The following LRRTM4 variants were observed in gnomAD, a reference collection of about 807,000 sequenced individuals.
LRRTM4 encodes the protein leucine-rich repeat transmembrane neuronal protein 4.
A neutral mutation model predicts 47.6 loss-of-function variants in LRRTM4; 25 were observed. That is an observed-to-expected ratio of 0.53 (90% CI 0.38 to 0.73). LRRTM4 has a LOEUF of 0.73. Ranked by LOEUF, LRRTM4 falls within the 30% of genes least tolerant of loss-of-function variation. The pLI, the probability that LRRTM4 is intolerant of heterozygous loss-of-function variation, is 0.00. For synonymous variants in LRRTM4, 311 were observed against 269.5 expected (o/e 1.15, Z -1.51); for missense variants, 638 against 713.4 (o/e 0.89, Z 1.20).
chr2:76,966,385 G>A (rs1444410758), intron 3 of LRRTM4, among the ~76,000 whole-genome samples: 5 of 151,330 alleles, frequency 3.3e-5, no homozygotes, highest in Non-Finnish European at 5.9e-5. Flanking sequence ...GTAATTACAT[G>A]TATTTTTTGG....
chr2:77,169,843 T>C (rs1203557453), intron 3 of LRRTM4, among the ~76,000 whole-genome samples: 2 of 152,154 alleles, frequency 1.3e-5, no homozygotes, highest in African/African-American at 4.8e-5. Flanking sequence ...CCCATACTTT[T>C]TATGTTTCTT....
chr2:77,300,178 G>A (rs774071145), intron 3 of LRRTM4, among the ~76,000 whole-genome samples: 8 of 152,058 alleles, frequency 5.3e-5, no homozygotes, highest in Admixed American at 2.6e-4. Flanking sequence ...TTTATTTCAA[G>A]CCAACAGTTC....
In LRRTM4 at chr2:76,769,884, T is replaced by A. The variant is rs893882775; in HGVS notation, c.1552-20968A>T. Among the ~76,000 whole-genome samples, 5 of 152,180 alleles carry A rather than the reference T, an allele frequency of 3.3e-5. No homozygotes were observed. In the East Asian group the frequency reaches 7.7e-4, roughly 23 times the overall value. ...GTGCATTATAACAAAAAATAATACC[T>A]TTTTTTCAGAATGCTGAGAAGTCAC... On this transcript the variant is annotated intron_variant, in intron 3 of 3. Transcript: ENST00000409884.
intron 3 of LRRTM4, among the ~76,000 whole-genome samples, chr2:77,328,260 G>C (rs1041253552): frequency 6.6e-6 from 1 of 151,998 alleles, no homozygotes; most frequent in East Asian, 1.9e-4. Flanking sequence ...TTGCTATTAG[G>C]TCTAACTGAA....
intron 3 of LRRTM4, among the ~76,000 whole-genome samples, chr2:77,203,300 A>C (rs1257677759): frequency 6.6e-6 from 1 of 152,136 alleles, no homozygotes; most frequent in Admixed American, 6.6e-5. Context: ...ACAAGCGTCC[A>C]AACAAACCCT....
intron 3 of LRRTM4, among the ~76,000 whole-genome samples, chr2:77,201,266 A>G (rs1248934122): frequency 6.6e-6 from 1 of 152,168 alleles, no homozygotes. Flanking sequence ...TGCAAAGTAT[A>G]TTTTATAATT....
intron 3 of LRRTM4, among the ~76,000 whole-genome samples, chr2:76,998,766 T>A (rs1677299322): frequency 6.9e-6 from 1 of 144,314 alleles, no homozygotes; most frequent in African/African-American, 2.6e-5. Flanking sequence ...CTCTATATTT[T>A]CTGTTTTTTT....
At chr2:77,147,600 A>AT (rs1248993372) in intron 3 of LRRTM4, among the ~76,000 whole-genome samples, 1 of 152,060 alleles carries the variant, frequency 6.6e-6, no homozygotes, top group Non-Finnish European at 1.5e-5. Context: ...GCTCTTTGTT[A>AT]TTTTTTTCCA....
intron 3 of LRRTM4, among the ~76,000 whole-genome samples, chr2:76,947,878 A>G (rs527915797): frequency 2.0e-5 from 3 of 151,988 alleles, no homozygotes; most frequent in Admixed American, 6.6e-5. Flanking sequence ...CAAGCAAAAG[A>G]AAGAAATTGC....
chr2:77,270,116 A>G (rs12611712), intron 3 of LRRTM4, among the ~76,000 whole-genome samples: 25,741 of 152,258 alleles, frequency 0.17, 2,626 homozygotes, highest in East Asian at 0.44. Flanking sequence ...GCACTTATAC[A>G]TCTACATCCC....
chr2:77,160,904 T>C (rs1672708682), intron 3 of LRRTM4, among the ~76,000 whole-genome samples: 2 of 152,206 alleles, frequency 1.3e-5, no homozygotes, highest in Non-Finnish European at 2.9e-5. Flanking sequence ...CATTATATGA[T>C]ATGTGACAAA....
rs111603675 is a variant in LRRTM4, at chr2:76,796,229, C to G, written c.1552-47313G>C. 3.7e-3 allele frequency among the ~76,000 whole-genome samples: 273 copies of G among 74,612 alleles called. 6 individuals are homozygous for G. Among genetic ancestry groups the G allele is most frequent in the African/African-American group, 0.021 (254 of 12,248 alleles). 48.9% of individuals were successfully genotyped at this position (74,612 alleles called of 152,430 possible). A position where few individuals can be genotyped will look rare whatever the true frequency, so the allele number is the denominator to read the frequency against. ...TGAGATCAAACTGCAAGGCGGCAGC[C>G]AGGCTGGGGGAGGGGTGCCCGCCAT... On this transcript the variant is annotated intron_variant, in intron 3 of 3. Transcript: ENST00000409884.
chr2:77,365,750 G>A (rs1050805297), intron 3 of LRRTM4, among the ~76,000 whole-genome samples: 1 of 151,070 alleles, frequency 6.6e-6, no homozygotes, highest in East Asian at 1.9e-4. Flanking sequence ...GATAAACATT[G>A]GGTATGTTAG....
At chr2:77,311,614 A>G (rs1677459739) in intron 3 of LRRTM4, among the ~76,000 whole-genome samples, 1 of 152,202 alleles carries the variant, frequency 6.6e-6, no homozygotes, top group Non-Finnish European at 1.5e-5. Flanking sequence ...TAGGTGGCAT[A>G]TATGAAAGGT....
chr2:77,382,672 C>A (rs749241609), intron 3 of LRRTM4, among the ~76,000 whole-genome samples: 14 of 152,088 alleles, frequency 9.2e-5, no homozygotes, highest in Non-Finnish European at 1.3e-4. Flanking sequence ...ATAAAATGAC[C>A]TTTTACCTAA....
chr2:77,314,607 C>T (rs1269451455), intron 3 of LRRTM4, among the ~76,000 whole-genome samples: 1 of 152,084 alleles, frequency 6.6e-6, no homozygotes, highest in Admixed American at 6.5e-5. Context: ...AGGGGAATAA[C>T]TTAATATCTC....
intron 3 of LRRTM4, among the ~76,000 whole-genome samples, chr2:76,984,744 C>G (rs1676734672): frequency 6.6e-6 from 1 of 151,958 alleles, no homozygotes; most frequent in Admixed American, 6.6e-5. Context: ...TTTCAAGATT[C>G]TTTATCTAGG....
At chr2:76,957,402 A>G (rs374551618) in intron 3 of LRRTM4, among the ~76,000 whole-genome samples, 3 of 151,880 alleles carry the variant, frequency 2.0e-5, no homozygotes, top group Admixed American at 6.6e-5. Context: ...ATGTCATATT[A>G]TATGGTTTTT....
chr2:77,022,063 G>T (rs1678294595), intron 3 of LRRTM4, among the ~76,000 whole-genome samples: 1 of 152,132 alleles, frequency 6.6e-6, no homozygotes, highest in African/African-American at 2.4e-5. Context: ...AGAAAAAGAG[G>T]TTTAATTGGA....
Sources: gnomAD v4.1 joint callset for allele counts (sites outside exome capture counted in the v4.1 genomes callset) on GRCh38, gnomAD v4.1.1 for gene constraint, MANE v1.5 for transcripts, NCBI Gene and HGNC (gene_info 2026-07-23, HGNC 2026-07-21) for gene names.